Variants in MYOCD observed in about 807,000 individuals in gnomAD.
MYOCD encodes myocardin.
A neutral mutation model predicts 96.1 loss-of-function variants in MYOCD; 32 were observed. The ratio of observed to expected loss-of-function variants is 0.33; its 90% CI spans 0.25 to 0.45. The LOEUF is 0.45. Among genes scored for constraint, MYOCD ranks in the 20% least tolerant of loss-of-function variants. The pLI, the probability that MYOCD is intolerant of heterozygous loss-of-function variation, is 1.00. For synonymous variants in MYOCD, 469 were observed against 469.0 expected, an observed-to-expected ratio of 1.00 and a Z score of 0.00; for missense variants, 1,133 against 1,200.6, an observed-to-expected ratio of 0.94 and a Z score of 0.83.
chr17:12,690,427 T>C (rs1597739896), intron 1 of MYOCD, among the ~76,000 whole-genome samples: 1 of 151,968 alleles, frequency 6.6e-6, no homozygotes, highest in African/African-American at 2.4e-5. Flanking sequence ...TCATCTTTAA[T>C]GAAGGAAAGA....
At chr17:12,691,942 C>T (rs2030469721) in intron 1 of MYOCD, among the ~76,000 whole-genome samples, 1 of 152,172 alleles carries the variant, frequency 6.6e-6, no homozygotes, top group Non-Finnish European at 1.5e-5. Flanking sequence ...CTTCAGTCCC[C>T]AAGACTGGCA....
At chr17:12,740,469 G>C (rs1428096274) in intron 7 of MYOCD, among the ~76,000 whole-genome samples, 1 of 152,198 alleles carries the variant, frequency 6.6e-6, no homozygotes, top group Non-Finnish European at 1.5e-5. Context: ...ATGGCCTGCA[G>C]CTCCATCCAA....
chr17:12,693,140 C>T (rs1448152511), intron 1 of MYOCD, among the ~76,000 whole-genome samples: 4 of 152,100 alleles, frequency 2.6e-5, no homozygotes, highest in African/African-American at 9.7e-5. Flanking sequence ...CAATAGGCTT[C>T]ACACCTATTC....
intron 1 of MYOCD, among the ~76,000 whole-genome samples, chr17:12,686,833 C>T (rs1389983272): frequency 6.6e-6 from 1 of 152,212 alleles, no homozygotes; most frequent in Non-Finnish European, 1.5e-5. Context: ...GCCAAGGGAG[C>T]TGGCTCTCTC....
intron 1 of MYOCD, among the ~76,000 whole-genome samples, chr17:12,690,957 C>T (rs1213760849): frequency 6.6e-6 from 1 of 152,134 alleles, no homozygotes; most frequent in African/African-American, 2.4e-5. Context: ...TTTTAAAGCC[C>T]CAAGCATATT....
At chr17:12,708,791 G>C (rs796314750) in intron 2 of MYOCD, among the ~76,000 whole-genome samples, 11 of 152,250 alleles carry the variant, frequency 7.2e-5, no homozygotes, top group African/African-American at 2.4e-4. Flanking sequence ...TGGATAACAT[G>C]CAACCCCTTC....
chr17:12,667,527 G>T (rs539585051), intron 1 of MYOCD, among the ~76,000 whole-genome samples: 15 of 152,138 alleles, frequency 9.9e-5, no homozygotes, highest in Middle Eastern at 3.2e-3. Flanking sequence ...CGTTGTATTC[G>T]GTCAAAACTG....
intron 11 of MYOCD, among the ~76,000 whole-genome samples, chr17:12,757,650 A>G (rs1330225716): frequency 1.3e-5 from 2 of 151,998 alleles, no homozygotes; most frequent in Non-Finnish European, 2.9e-5. Context: ...GCGCACCACC[A>G]TGCCTGGCTA....
At chr17:12,715,880 C>T (rs1326305580) in intron 3 of MYOCD, among the ~76,000 whole-genome samples, 1 of 152,210 alleles carries the variant, frequency 6.6e-6, no homozygotes, top group Non-Finnish European at 1.5e-5. Flanking sequence ...GAAGTGGAGT[C>T]GGTTTTCAAG....
intron 1 of MYOCD, among the ~76,000 whole-genome samples, chr17:12,677,915 G>C (rs560819070): frequency 2.8e-5 from 4 of 141,416 alleles, no homozygotes; most frequent in Non-Finnish European, 4.6e-5. Flanking sequence ...TTTTTTTGAG[G>C]TGGAGTCTCA....
chr17:12,731,304 A>G (rs1210194217), intron 5 of MYOCD, among the ~76,000 whole-genome samples: 1 of 152,168 alleles, frequency 6.6e-6, no homozygotes, highest in Non-Finnish European at 1.5e-5. Flanking sequence ...AGGGAGTGGC[A>G]TGCCAGCCTT....
chr17:12,747,571 G>A (rs1280082291), intron 9 of MYOCD, among the ~76,000 whole-genome samples: 1 of 152,040 alleles, frequency 6.6e-6, no homozygotes, highest in African/African-American at 2.4e-5. Context: ...GAACCTAGAA[G>A]GGTGAATGAG....
chr17:12,756,697 A>C (rs2033024767), intron 11 of MYOCD, 140 bp downstream of exon 11: 29 of 152,468 alleles, frequency 1.9e-4, no homozygotes, highest in Non-Finnish European at 2.8e-4. Context: ...CTGCATCTCA[A>C]AAAAAAAAAA....
chr17:12,760,358 T>G (rs1409658186), intron 12 of MYOCD: 1 of 374,958 alleles, frequency 2.7e-6, no homozygotes, highest in Non-Finnish European at 5.1e-6. Context: ...GGATGGGGTG[T>G]GGGAAATTAT....
intron 6 of MYOCD, 112 bp downstream of exon 6, chr17:12,736,448 A>G: frequency 6.3e-6 from 7 of 1,116,766 alleles, no homozygotes; most frequent in Non-Finnish European, 8.9e-6. Flanking sequence ...GAATGCAGAG[A>G]TGTCCCTGGC....
chr17:12,688,515 C>A (rs2030253788), intron 1 of MYOCD, among the ~76,000 whole-genome samples: 1 of 143,322 alleles, frequency 7.0e-6, no homozygotes, highest in Admixed American at 7.1e-5. Flanking sequence ...CTTCCATCTC[C>A]TCCCTTCCAT....
rs775734775 is a variant in MYOCD, at chr17:12,752,511, C to T, written c.1223C>T (p.Ser408Phe). Reference sequence around the variant, plus strand: ...CGGCTTCGACCCTTCCAGGACTGCTCTGGCAACCCAGTGCCGAACTTTGGG... The same window carrying T: ...CGGCTTCGACCCTTCCAGGACTGCTTTGGCAACCCAGTGCCGAACTTTGGG... ...MDRLRPFQDC[S>F]GNPVPNFGDI... Residue 408 changes from serine (S) to phenylalanine (F), a missense_variant, in exon 10 of 14, where the codon TCT (serine) becomes TTT (phenylalanine). Coordinates refer to ENST00000425538, the MANE Select transcript of MYOCD (RefSeq NM_001146312.3). 2.4e-5 allele frequency: 38 copies of T among 1,614,100 alleles called. No individual in the cohort carries two copies. The highest frequency in any genetic ancestry group is 3.0e-5 in the Non-Finnish European group (35 of 1,180,046).
chr17:12,695,947 A>T (rs114420877), intron 1 of MYOCD, among the ~76,000 whole-genome samples: 1 of 148,624 alleles, frequency 6.7e-6, no homozygotes. Flanking sequence ...TAGTGTTTCT[A>T]CTTTTGTAAT....
At chr17:12,719,558 G>A (rs1274228160) in intron 4 of MYOCD, among the ~76,000 whole-genome samples, 1 of 151,850 alleles carries the variant, frequency 6.6e-6, no homozygotes. Context: ...GAGTTATTAA[G>A]AAATTATTTT....
Sources: allele counts gnomAD v4.1 joint callset (sites outside exome capture counted in the v4.1 genomes callset), GRCh38; gene constraint gnomAD v4.1.1; transcripts MANE v1.5; gene names NCBI Gene and HGNC (gene_info 2026-07-23, HGNC 2026-07-21).